CXADR: variants seen among roughly 807,000 people sequenced by gnomAD.
The protein encoded by CXADR is CXADR cell adhesion molecule.
CXADR carries 20 observed loss-of-function variants against 40.3 expected under a neutral mutation model. That is an observed-to-expected ratio of 0.50 (90% CI 0.35 to 0.72). CXADR has a LOEUF of 0.72. CXADR is among the 30% of genes least tolerant of loss of function. CXADR has a pLI of 0.01. For synonymous variants in CXADR, 150 were observed against 161.3 expected (o/e 0.93, Z 0.53); for missense variants, 332 against 449.1 (o/e 0.74, Z 2.36).
At chr21:17,553,808 G>A (rs924627970) in intron 3 of CXADR, among the ~76,000 whole-genome samples, 6 of 151,862 alleles carry the variant, frequency 4.0e-5, no homozygotes, top group East Asian at 3.9e-4. Context: ...TGGTAGAGAC[G>A]GGGTTTCACC....
chr21:17,599,846 T>C, the CXADR span, among the ~76,000 whole-genome samples: 7 of 152,206 alleles, frequency 4.6e-5, no homozygotes, highest in Admixed American at 1.3e-4. Context: ...AGAAATTTCC[T>C]ATAAAATTGA....
chr21:17,518,927 T>A (rs1953135607), intron 1 of CXADR: 1 of 1,597,590 alleles, frequency 6.3e-7, no homozygotes, highest in Admixed American at 1.7e-5. Flanking sequence ...ACCTTCTTTC[T>A]GCGAGCTGTA....
At chr21:17,609,463 C>T in the CXADR span, among the ~76,000 whole-genome samples, 6,049 of 152,198 alleles carry the variant, frequency 0.04, 369 homozygotes, top group African/African-American at 0.14. Context: ...ATAAATGATA[C>T]GACATAGATG....
chr21:17,541,567 A>AT (rs1268463693), intron 1 of CXADR, among the ~76,000 whole-genome samples: 4 of 151,472 alleles, frequency 2.6e-5, no homozygotes, highest in African/African-American at 9.7e-5. Flanking sequence ...CAAAAAAAAA[A>AT]TCCTATGTTC....
the CXADR span, among the ~76,000 whole-genome samples, chr21:17,599,575 G>A: frequency 6.6e-6 from 1 of 150,960 alleles, no homozygotes; most frequent in Non-Finnish European, 1.5e-5. Context: ...CCTCCCAGGT[G>A]TTCAAGTGAT....
chr21:17,518,624 A>G, intron 1 of CXADR: 3 of 1,576,132 alleles, frequency 1.9e-6, no homozygotes, highest in South Asian at 2.2e-5. Flanking sequence ...TTACTGTCCA[A>G]GACTTGCCGT....
At position 17,517,203 on chromosome 21, in the gene CXADR, G is replaced by A. The variant is rs538397032; in HGVS notation, c.43+4031G>A. ...TCCTTAAATATTGGCTGTAACAAAT[G>A]CTGATATAGCAAAACGTAAGCTTCT... is the stretch of plus-strand genomic sequence containing the variant. On this transcript the variant is annotated intron_variant, in intron 1 of 6. Coordinates refer to ENST00000284878, the MANE Select transcript of CXADR (RefSeq NM_001338.5). Among the ~76,000 whole-genome samples, 3 of 152,320 alleles carry A rather than the reference G, an allele frequency of 2.0e-5. No homozygotes were observed. The East Asian group carries it at 5.8e-4, about 29-fold the overall frequency.
downstream of CXADR, chr21:17,594,092 G>A: frequency 3.1e-6 from 5 of 1,612,222 alleles, no homozygotes; most frequent in Non-Finnish European, 4.2e-6. Context: ...CAAAAACGAA[G>A]TTAGTGAGGT....
chr21:17,618,782 G>A, the CXADR span, among the ~76,000 whole-genome samples: 25 of 152,104 alleles, frequency 1.6e-4, no homozygotes, highest in African/African-American at 5.3e-4. Context: ...TGATCCACCC[G>A]CCTTGGCCTC....
At chr21:17,597,500 G>GA (rs555166009), downstream of CXADR, among the ~76,000 whole-genome samples, 11 of 149,646 alleles carry the variant, frequency 7.4e-5, no homozygotes, top group East Asian at 3.9e-4. Context: ...CTAAAAAAAA[G>GA]AAAAAAAAAC....
chr21:17,604,781 G>C, the CXADR span: 4 of 1,476,796 alleles, frequency 2.7e-6, no homozygotes, highest in Non-Finnish European at 3.6e-6. Context: ...AAGATACACA[G>C]GCAGGCCGTA....
At chr21:17,633,080 A>T in the CXADR span, 1 of 152,202 alleles carries the variant, frequency 6.6e-6, no homozygotes, top group Middle Eastern at 3.4e-3. Flanking sequence ...AATTAAAGAA[A>T]ATTGGAAGGC....
the CXADR span, chr21:17,604,241 G>C: frequency 2.0e-6 from 1 of 508,286 alleles, no homozygotes; most frequent in South Asian, 2.1e-5. Context: ...AGGAGTTTGA[G>C]AGCAGTCTGG....
rs925689757 is a variant in CXADR, at chr21:17,513,069, G to A, written c.-61G>A. The stretch of plus-strand genomic sequence containing the variant: ...GTCGGGAGCGCGCGAGGCGCGGGGA[G>A]CCTGGGACCAGGAGCGAGAGCCGCC... On this transcript the variant is annotated 5_prime_UTR_variant, in exon 1 of 7. Transcript: ENST00000284878. The A allele has an allele frequency of 2.9e-5, 38 of 1,321,140 alleles. No homozygotes were observed. Among genetic ancestry groups the A allele is most frequent in the African/African-American group, 4.6e-5 (3 of 64,656 alleles). The allele number at this position is 1,321,140 out of a possible 1,614,324, so 81.8% of individuals were successfully genotyped here.
chr21:17,565,219 G>C (rs1169072518), intron 6 of CXADR, among the ~76,000 whole-genome samples: 1 of 152,016 alleles, frequency 6.6e-6, no homozygotes, highest in African/African-American at 2.4e-5. Context: ...TCTTTAATCA[G>C]AATGACAGAT....
At chr21:17,631,425 C>T in the CXADR span, among the ~76,000 whole-genome samples, 2 of 152,176 alleles carry the variant, frequency 1.3e-5, no homozygotes, top group East Asian at 1.9e-4. Context: ...TTCAAAGTGT[C>T]AAATAAAAGT....
the CXADR span, chr21:17,613,839 AT>A: frequency 3.9e-5 from 6 of 152,160 alleles, no homozygotes; most frequent in Admixed American, 3.9e-4. Flanking sequence ...AATACAAGAT[AT>A]TCCTACCTTT....
intron 1 of CXADR, among the ~76,000 whole-genome samples, chr21:17,546,695 C>G (rs772471327): frequency 2.6e-5 from 4 of 152,186 alleles, no homozygotes; most frequent in Non-Finnish European, 4.4e-5. Context: ...ACCTGTATCA[C>G]TCACCTTTCA....
rs1374543786 is a variant in CXADR, at chr21:17,566,878, T to C, written c.*1186T>C. The C allele has an allele frequency of 1.0e-6, 1 of 984,184 alleles. No homozygotes were observed. Among genetic ancestry groups the C allele is most frequent in the African/African-American group, 1.8e-5 (1 of 57,052 alleles). The allele number at this position is 984,184 out of a possible 1,614,324, so 61.0% of individuals were successfully genotyped here. A position where few individuals can be genotyped will look rare whatever the true frequency, so the allele number is the denominator to read the frequency against. ...TGTTGTGTGATCAAACATGTCTCTG[T>C]GTAGTTCCAGCAAATCAAGCTGAGC... On this transcript the variant is annotated 3_prime_UTR_variant, in exon 7 of 7. Coordinates refer to ENST00000284878, the MANE Select transcript of CXADR (RefSeq NM_001338.5).
Sources: gnomAD v4.1 joint callset for allele counts (sites outside exome capture counted in the v4.1 genomes callset) on GRCh38, gnomAD v4.1.1 for gene constraint, MANE v1.5 for transcripts, NCBI Gene and HGNC (gene_info 2026-07-23, HGNC 2026-07-21) for gene names.